Variants in FOXP1 observed in about 807,000 individuals in gnomAD.
The protein encoded by FOXP1 is forkhead box P1.
A neutral mutation model predicts 98.2 loss-of-function variants in FOXP1; 15 were observed. The ratio of observed to expected loss-of-function variants is 0.15; its 90% CI spans 0.10 to 0.24. The LOEUF (loss-of-function observed/expected upper bound fraction) is 0.24, where lower values mean the gene tolerates loss of function less well. Ranked by LOEUF, FOXP1 falls within the 10% of genes least tolerant of loss-of-function variation. The pLI is 1.00. For synonymous variants in FOXP1, 371 were observed against 314.5 expected (o/e 1.18, Z -1.90); for missense variants, 633 against 848.5 (o/e 0.75, Z 3.15).
Position 71,233,522 on chromosome 3 carries a change from G to A in FOXP1, c.-11-35130C>T, listed in dbSNP as rs528815283. Among the ~76,000 whole-genome samples, 26 of 151,830 alleles carry A rather than the reference G, an allele frequency of 1.7e-4. No individual in the cohort carries two copies. In the South Asian group the frequency reaches 5.4e-3, roughly 32 times the overall value. ...GCTCACTGCAACCGCTGCCTCCGGG[G>A]TTCAAGAGATTCTCTCACCTCAGCC... On this transcript the variant is annotated intron_variant, in intron 5 of 20. Coordinates refer to ENST00000649528, the MANE Select transcript of FOXP1 (RefSeq NM_001349338.3).
rs554434762 is a variant in FOXP1, at chr3:71,060,207, G to A, written c.283-6434C>T. ...GGTAGGCCAAAATTAGACCATTTCCGAAGTTTTATAAGGCCTTACTTAGGG... is the reference window on the plus strand; with the variant it reads ...GGTAGGCCAAAATTAGACCATTTCCAAAGTTTTATAAGGCCTTACTTAGGG... On this transcript the variant is annotated intron_variant, in intron 7 of 20. Coordinates refer to ENST00000649528, the MANE Select transcript of FOXP1 (RefSeq NM_001349338.3). Among the ~76,000 whole-genome samples, 15 of 152,156 alleles carry A rather than the reference G, an allele frequency of 9.9e-5. No homozygotes were observed. The South Asian group carries it at 2.7e-3, about 27-fold the overall frequency.
In FOXP1 at chr3:70,958,354, C is replaced by T. The variant is rs1165236490; in HGVS notation, c.*893G>A. 3 of 533,262 alleles carry T rather than the reference C, an allele frequency of 5.6e-6. No homozygotes were observed. Among genetic ancestry groups the T allele is most frequent in the African/African-American group, 1.9e-5 (1 of 53,188 alleles). The allele number at this position is 533,262 out of a possible 1,614,324, so 33.0% of individuals were successfully genotyped here. A position where few individuals can be genotyped will look rare whatever the true frequency, so the allele number is the denominator to read the frequency against. The stretch of plus-strand genomic sequence containing the variant: ...TCATTCTCTTTCTGGCAGGACGTCA[C>T]GTCTGTGTGAGAGGGCCTTCATGTG... On this transcript the variant is annotated 3_prime_UTR_variant, in exon 21 of 21. Transcript: ENST00000649528.
intron 2 of FOXP1, among the ~76,000 whole-genome samples, chr3:71,540,681 T>G (rs1171800162): frequency 6.6e-6 from 1 of 152,182 alleles, no homozygotes; most frequent in Non-Finnish European, 1.5e-5. Context: ...GTCAGGGTAA[T>G]TCACCTAAGG....
intron 3 of FOXP1, among the ~76,000 whole-genome samples, chr3:71,430,879 C>A (rs111386135): frequency 0.015 from 2,209 of 152,222 alleles, 65 homozygotes; most frequent in African/African-American, 0.049. Context: ...CAGGGGAAGG[C>A]CTTACAGGTC....
chr3:71,245,192 G>C (rs1006965893), intron 5 of FOXP1: 1 of 152,212 alleles, frequency 6.6e-6, no homozygotes, highest in Non-Finnish European at 1.5e-5. Context: ...CTTTCTCCCG[G>C]AGGGGGCCTC....
intron 19 of FOXP1, among the ~76,000 whole-genome samples, chr3:70,967,345 G>A (rs990015939): frequency 1.8e-4 from 28 of 152,184 alleles, no homozygotes; most frequent in South Asian, 6.2e-4. Context: ...CAAGCCCTGT[G>A]TTAGAAGTCC....
At chr3:71,523,064 T>C (rs1298687644) in intron 2 of FOXP1, among the ~76,000 whole-genome samples, 1 of 152,110 alleles carries the variant, frequency 6.6e-6, no homozygotes, top group Non-Finnish European at 1.5e-5. Context: ...GGGACCCTAA[T>C]CCAATATGAC....
chr3:71,582,897 G>A (rs1211917601), intron 1 of FOXP1: 2 of 800,674 alleles, frequency 2.5e-6, no homozygotes, highest in Non-Finnish European at 3.0e-6. Flanking sequence ...CCAGTGCGGG[G>A]CCCAGGGCCA....
chr3:71,142,197 A>G (rs1365701037), intron 6 of FOXP1, among the ~76,000 whole-genome samples: 1 of 152,246 alleles, frequency 6.6e-6, no homozygotes, highest in East Asian at 1.9e-4. Flanking sequence ...CACAGAAAAC[A>G]AATACCTTGG....
At chr3:71,562,629 CT>C (rs1259749040) in intron 2 of FOXP1, among the ~76,000 whole-genome samples, 2 of 152,150 alleles carry the variant, frequency 1.3e-5, no homozygotes, top group Admixed American at 1.3e-4. Flanking sequence ...AGACAGGTAC[CT>C]ATTATCAACA....
At chr3:71,560,279 CAATAAAGATTATGT>C (rs2046438783) in intron 2 of FOXP1, among the ~76,000 whole-genome samples, 1 of 152,164 alleles carries the variant, frequency 6.6e-6, no homozygotes, top group Non-Finnish European at 1.5e-5. Flanking sequence ...TGAACTCCTG[CAATAAAGATTATGT>C]TATCATCCTC....
At chr3:71,512,937 C>G (rs958574361) in intron 2 of FOXP1, among the ~76,000 whole-genome samples, 3 of 152,200 alleles carry the variant, frequency 2.0e-5, no homozygotes, top group Admixed American at 2.0e-4. Flanking sequence ...ACGTCACCCT[C>G]AAGAGTTAAA....
chr3:71,067,813 A>G (rs1431556541), intron 7 of FOXP1, among the ~76,000 whole-genome samples: 1 of 151,074 alleles, frequency 6.6e-6, no homozygotes, highest in African/African-American at 2.4e-5. Flanking sequence ...AACTTGGGAG[A>G]CTGAGGTGGC....
chr3:71,517,709 C>T (rs2042684700), intron 2 of FOXP1, among the ~76,000 whole-genome samples: 1 of 152,166 alleles, frequency 6.6e-6, no homozygotes, highest in Admixed American at 6.5e-5. Flanking sequence ...CTACCTGGTT[C>T]AAATTCCAGC....
At chr3:71,280,126 C>CAAAAAAAAAAAA (rs56674677) in intron 5 of FOXP1, among the ~76,000 whole-genome samples, 2 of 106,206 alleles carry the variant, frequency 1.9e-5, no homozygotes, top group Non-Finnish European at 3.8e-5. Context: ...CTGTCTCAAA[C>CAAAAAAAAAAAA]AAAAAAAAAA....
intron 3 of FOXP1, among the ~76,000 whole-genome samples, chr3:71,432,601 T>C (rs943188427): frequency 6.6e-6 from 1 of 152,134 alleles, no homozygotes; most frequent in Non-Finnish European, 1.5e-5. Context: ...AGTGTCTCAG[T>C]TGTGGCTTCA....
At chr3:71,569,049 G>T (rs1394004363) in intron 2 of FOXP1, among the ~76,000 whole-genome samples, 1 of 152,176 alleles carries the variant, frequency 6.6e-6, no homozygotes, top group Non-Finnish European at 1.5e-5. Flanking sequence ...AGACCTGGTT[G>T]TCCTAGATTC....
intron 7 of FOXP1, among the ~76,000 whole-genome samples, chr3:71,071,777 T>C (rs2053264131): frequency 6.6e-6 from 1 of 152,134 alleles, no homozygotes; most frequent in South Asian, 2.1e-4. Flanking sequence ...TTTCACCATG[T>C]TGCCCAGACT....
chr3:71,258,870 G>A (rs1421323347), intron 5 of FOXP1, among the ~76,000 whole-genome samples: 2 of 152,234 alleles, frequency 1.3e-5, no homozygotes, highest in Admixed American at 6.5e-5. Context: ...CTGAGGCCGG[G>A]TACAGTGGCT....
Sources: allele counts gnomAD v4.1 joint callset (sites outside exome capture counted in the v4.1 genomes callset), GRCh38; gene constraint gnomAD v4.1.1; transcripts MANE v1.5; gene names NCBI Gene and HGNC (gene_info 2026-07-23, HGNC 2026-07-21).